The following MPP7 variants were observed in gnomAD, a reference collection of about 807,000 sequenced individuals.
MPP7 encodes the protein MAGUK p55 subfamily member 7.
Under a neutral mutation model 76.5 loss-of-function variants are expected in MPP7, and 60 were observed. That is an observed-to-expected ratio of 0.78 (90% CI 0.64 to 0.97). The LOEUF is 0.97. Among genes scored for constraint, MPP7 ranks in the 50% least tolerant of loss-of-function variants. The pLI, the probability that MPP7 is intolerant of heterozygous loss-of-function variation, is 0.00. For missense variants in MPP7, 641 were observed against 694.0 expected, an observed-to-expected ratio of 0.92 and a Z score of 0.86; for synonymous variants, 237 against 244.5, an observed-to-expected ratio of 0.97 and a Z score of 0.29.
intron 3 of MPP7, among the ~76,000 whole-genome samples, chr10:28,154,181 T>C (rs1270390436): frequency 1.3e-5 from 2 of 152,144 alleles, no homozygotes; most frequent in East Asian, 3.9e-4. Context: ...GGTTACAAAC[T>C]CTTAAAGCAG....
Position 28,222,478 on chromosome 10 carries a change from T to C in MPP7, c.37+16090A>G, listed in dbSNP as rs7070461. 4.6e-3 allele frequency among the ~76,000 whole-genome samples: 674 copies of C among 148,100 alleles called. 9 individuals carry two copies. The highest frequency in any genetic ancestry group is 0.016 in the African/African-American group (632 of 40,198). ...CAGCCAGGGTGACAGAGTGAGACTC[T>C]GTCTCAAAAAATTAAAAATTAAAAA... is the stretch of plus-strand genomic sequence containing the variant. On this transcript the variant is annotated intron_variant, in intron 2 of 16. Transcript: ENST00000683449.
chr10:28,134,404 C>T (rs573528728), intron 5 of MPP7, among the ~76,000 whole-genome samples: 1 of 152,074 alleles, frequency 6.6e-6, no homozygotes, highest in Admixed American at 6.6e-5. Flanking sequence ...GTATGCTGGA[C>T]CCAGTCTTTA....
intron 1 of MPP7, among the ~76,000 whole-genome samples, chr10:28,252,294 C>T (rs904703971): frequency 2.0e-5 from 3 of 152,178 alleles, no homozygotes; most frequent in Non-Finnish European, 4.4e-5. Flanking sequence ...CCGTTTTACT[C>T]ATTAACTTCA....
chr10:28,089,541 G>C lies in MPP7; in HGVS notation c.1123+130C>G, dbSNP rs540166016. The C allele has an allele frequency of 4.7e-5, 37 of 791,128 alleles. No individual in the cohort carries two copies. The South Asian group carries it at 8.2e-4, about 18-fold the overall frequency. 49.0% of individuals were successfully genotyped at this position (791,128 alleles called of 1,614,324 possible). ...ACAAAAAACTAAAGATTTTGTTTCA[G>C]AGACAAGACAAAAGGTGTTGAAGGG... On this transcript the variant is annotated intron_variant, in intron 12 of 16. Transcript: ENST00000683449.
chr10:28,074,816 T>C (rs1852411414), intron 12 of MPP7, among the ~76,000 whole-genome samples: 1 of 152,222 alleles, frequency 6.6e-6, no homozygotes, highest in Non-Finnish European at 1.5e-5. Context: ...CAGCCCTTCA[T>C]GTTTCCACTT....
At chr10:28,327,993 C>T (rs984220356) in intron 2 of MPP7, among the ~76,000 whole-genome samples, 6 of 152,192 alleles carry the variant, frequency 3.9e-5, no homozygotes, top group African/African-American at 1.4e-4. Flanking sequence ...ATGCAGGCTT[C>T]TGTCTCCATC....
chr10:28,226,675 T>C (rs1160658494), intron 2 of MPP7, among the ~76,000 whole-genome samples: 1 of 104,476 alleles, frequency 9.6e-6, no homozygotes, highest in Non-Finnish European at 2.0e-5. Flanking sequence ...TACTTAAAAA[T>C]GGTAAAAATG....
At chr10:28,055,127 G>A (rs755838862) in intron 16 of MPP7, among the ~76,000 whole-genome samples, 7 of 152,092 alleles carry the variant, frequency 4.6e-5, no homozygotes, top group African/African-American at 1.7e-4. Context: ...TCTTATCTTC[G>A]TTGAGAAACC....
At chr10:28,183,717 T>C (rs887764332) in intron 3 of MPP7, among the ~76,000 whole-genome samples, 1 of 152,156 alleles carries the variant, frequency 6.6e-6, no homozygotes, top group Non-Finnish European at 1.5e-5. Flanking sequence ...GCCCAAAAGG[T>C]TGAGGCTGCA....
At chr10:28,109,577 G>GC (rs1233324746) in intron 11 of MPP7, among the ~76,000 whole-genome samples, 2 of 151,930 alleles carry the variant, frequency 1.3e-5, no homozygotes, top group Non-Finnish European at 2.9e-5. Context: ...TTTGTGTCCA[G>GC]CCCATTGAGC....
At chr10:28,197,810 G>T (rs962647079) in intron 3 of MPP7, among the ~76,000 whole-genome samples, 3 of 152,098 alleles carry the variant, frequency 2.0e-5, no homozygotes, top group African/African-American at 7.2e-5. Context: ...GATGCTTGAG[G>T]TGATGGATAC....
chr10:28,290,904 CATACAG>C (rs1430637958), intron 1 of MPP7, among the ~76,000 whole-genome samples: 1 of 152,210 alleles, frequency 6.6e-6, no homozygotes, highest in Non-Finnish European at 1.5e-5. Flanking sequence ...CATTCACACT[CATACAG>C]ATATGAATTA....
At chr10:28,255,482 T>C (rs1322041589) in intron 1 of MPP7, among the ~76,000 whole-genome samples, 1 of 151,686 alleles carries the variant, frequency 6.6e-6, no homozygotes, top group Non-Finnish European at 1.5e-5. Context: ...TGGCGTGATC[T>C]TGGCTCACTG....
chr10:28,183,950 T>A (rs950559055), intron 3 of MPP7, among the ~76,000 whole-genome samples: 2 of 152,178 alleles, frequency 1.3e-5, no homozygotes, highest in African/African-American at 4.8e-5. Context: ...TGATGGTGAC[T>A]TAATATGTTC....
chr10:28,163,264 C>T (rs774562017), intron 3 of MPP7, among the ~76,000 whole-genome samples: 1 of 152,154 alleles, frequency 6.6e-6, no homozygotes, highest in African/African-American at 2.4e-5. Context: ...AGATCCAGAG[C>T]CTTTCCCAAC....
chr10:28,191,413 C>A (rs1837408191), intron 3 of MPP7, among the ~76,000 whole-genome samples: 1 of 152,082 alleles, frequency 6.6e-6, no homozygotes, highest in Admixed American at 6.5e-5. Context: ...TAAGTTGAAC[C>A]CAGCAATAGA....
chr10:28,291,210 G>A (rs1234050575), intron 1 of MPP7, among the ~76,000 whole-genome samples: 1 of 152,198 alleles, frequency 6.6e-6, no homozygotes, highest in Non-Finnish European at 1.5e-5. Context: ...GGACTCCCAG[G>A]TAACGCAAAA....
intron 2 of MPP7, among the ~76,000 whole-genome samples, chr10:28,316,932 A>C (rs1236189936): frequency 6.6e-6 from 1 of 152,138 alleles, no homozygotes; most frequent in African/African-American, 2.4e-5. Context: ...GAGGAGTCTG[A>C]GCCTGGATCT....
At chr10:28,075,654 C>T (rs1852449843) in intron 12 of MPP7, among the ~76,000 whole-genome samples, 1 of 152,086 alleles carries the variant, frequency 6.6e-6, no homozygotes, top group Non-Finnish European at 1.5e-5. Flanking sequence ...CTCTTTTATG[C>T]ACACTCCTGT....
Sources: gnomAD v4.1 joint callset for allele counts (sites outside exome capture counted in the v4.1 genomes callset) on GRCh38, gnomAD v4.1.1 for gene constraint, MANE v1.5 for transcripts, NCBI Gene and HGNC (gene_info 2026-07-23, HGNC 2026-07-21) for gene names.